HBD: variants seen among roughly 807,000 people sequenced by gnomAD.
HBD encodes hemoglobin subunit delta.
Under a neutral mutation model 9.2 loss-of-function variants are expected in HBD, and 11 were observed. That is an observed-to-expected ratio of 1.20 (90% CI 0.76 to 1.99). HBD has a LOEUF of 1.99. Ranked by LOEUF, HBD falls within the 30% of genes most tolerant of loss-of-function variation. The pLI, the probability that HBD is intolerant of heterozygous loss-of-function variation, is 0.00. For missense variants in HBD, 189 were observed against 174.3 expected (o/e 1.08, Z -0.47); for synonymous variants, 83 against 69.4 (o/e 1.20, Z -0.98).
rs1226621839 is a variant in HBD at position 5,233,016 on chromosome 11, TAGGC to T, written c.388_391del (p.Ala130IlefsTer?). 6.2e-7 allele frequency: 1 copy of T among 1,613,948 alleles called. No homozygotes were observed. The highest frequency in any genetic ancestry group is 8.5e-7 in the Non-Finnish European group (1 of 1,179,972). ...AGCCACACCAGCCACCACCTTCTGA[TAGGC>T]AGCCTGCATTTGTGGGGTGAATTCC... On this transcript the variant is annotated frameshift_variant, in exon 3 of 3. Transcript: ENST00000650601. LOFTEE classifies it high-confidence loss of function.
rs1281419136 is a variant in HBD at position 5,233,095 on chromosome 11, G to A, written c.316-3C>T. ...CACACCAGCACATTGCCCAAGAGCTGCGGAGAAGAGGTAGGCAGATACATG... is the reference window on the plus strand; with the variant it reads ...CACACCAGCACATTGCCCAAGAGCTACGGAGAAGAGGTAGGCAGATACATG... On this transcript the variant is annotated splice_region_variant and splice_polypyrimidine_tract_variant and intron_variant, in intron 2 of 2. Coordinates refer to ENST00000650601, the MANE Select transcript of HBD (RefSeq NM_000519.4). The A allele has an allele frequency of 6.2e-7, 1 of 1,613,802 alleles. No individual in the cohort carries two copies. Among genetic ancestry groups the A allele is most frequent in the African/African-American group, 1.3e-5 (1 of 74,884 alleles).
chr11:5,234,373 C>T lies in HBD; in HGVS notation c.61G>A (p.Val21Met), dbSNP rs369305779. The T allele has an allele frequency of 3.8e-4, 621 of 1,614,076 alleles. 5 individuals are homozygous for T. In the South Asian group the frequency reaches 6.0e-3, roughly 16 times the overall value. Reference protein sequence around the residue: ...AVNALWGKVNVDAVGGEALGR... With the variant: ...AVNALWGKVNMDAVGGEALGR... ...AGGGCCTCACCACCAACTGCATCCA[C>T]GTTCACTTTGCCCCACAGGGCATTG... Residue 21 changes from valine (V) to methionine (M), a missense_variant, in exon 1 of 3, where the codon GTG becomes ATG. By Grantham distance (21) the Val-to-Met change is conservative. Transcript: ENST00000650601.
chr11:5,234,367 C>T lies in HBD; in HGVS notation c.67G>A (p.Ala23Thr). ...NALWGKVNVD[A>T]VGGEALGRLL... ...CTGCCCAGGGCCTCACCACCAACTGCATCCACGTTCACTTTGCCCCACAGG... is the reference window on the plus strand; with the variant it reads ...CTGCCCAGGGCCTCACCACCAACTGTATCCACGTTCACTTTGCCCCACAGG... The change falls in exon 1 of 3, where the codon GCA becomes ACA. Residue 23 changes from alanine to threonine, a missense_variant. Physicochemically the swap from Ala to Thr is moderately conservative, Grantham distance 58 (BLOSUM62 0). Coordinates refer to ENST00000650601, the MANE Select transcript of HBD (RefSeq NM_000519.4). 1 of 1,613,984 alleles carries T rather than the reference C, an allele frequency of 6.2e-7. No homozygotes were observed. Among genetic ancestry groups the T allele is most frequent in the Non-Finnish European group, 8.5e-7 (1 of 1,179,840 alleles).
chr11:5,234,441 G>C lies in HBD; in HGVS notation c.-8C>G, dbSNP rs1339959375. On this transcript the variant is annotated 5_prime_UTR_variant, in exon 1 of 3. Coordinates refer to ENST00000650601, the MANE Select transcript of HBD (RefSeq NM_000519.4). ...AGGAGTCAGATGCACCATGGTGTCT[G>C]TTTGAGGTTGCTAGTGAACACTGTT... 1 of 1,601,334 alleles carries C rather than the reference G, an allele frequency of 6.2e-7. No homozygotes were observed. Among genetic ancestry groups the C allele is most frequent in the African/African-American group, 1.3e-5 (1 of 74,666 alleles).
Position 5,233,089 on chromosome 11 carries a change from A to C in HBD, c.319T>G (p.Leu107Val). 1 of 1,613,986 alleles carries C rather than the reference A, an allele frequency of 6.2e-7. No individual in the cohort carries two copies. The highest frequency in any genetic ancestry group is 8.5e-7 in the Non-Finnish European group (1 of 1,179,926). Residue 107 changes from leucine to valine, a missense_variant, in exon 3 of 3, where the codon TTG (leucine) becomes GTG (valine). By Grantham distance (32) the Leu-to-Val change is conservative (BLOSUM62 1). Coordinates refer to ENST00000650601, the MANE Select transcript of HBD (RefSeq NM_000519.4). ...LHVDPENFRL[L>V]GNVLVCVLAR... is the part of the protein sequence containing the mutation. ...AGCACACACACCAGCACATTGCCCAAGAGCTGCGGAGAAGAGGTAGGCAGA... is the reference window on the plus strand; with the variant it reads ...AGCACACACACCAGCACATTGCCCACGAGCTGCGGAGAAGAGGTAGGCAGA...
At chr11:5,234,264 A>G in intron 1 of HBD, 51 bp from the exon 2 acceptor site, 2 of 1,599,992 alleles carry the variant, frequency 1.3e-6, no homozygotes, top group Non-Finnish European at 1.7e-6. Context: ...CCTATCAGAA[A>G]CCCAAGAGTC....
In HBD at chr11:5,233,992, C is replaced by T. The variant is rs762198004; in HGVS notation, c.314G>A (p.Arg105Lys). The T allele has an allele frequency of 5.6e-6, 9 of 1,613,850 alleles. No individual in the cohort carries two copies. In the East Asian group the frequency reaches 1.8e-4, roughly 32 times the overall value. The change falls in exon 2 of 3, where the codon AGG (arginine) becomes AAG (lysine). Residue 105 changes from arginine to lysine, a missense_variant and splice_region_variant. By Grantham distance (26) the Arg-to-Lys change is conservative. Coordinates refer to ENST00000650601, the MANE Select transcript of HBD (RefSeq NM_000519.4). ...AAGTGAAGCATCTCCTGGACTCACC[C>T]TGAAGTTCTCAGGATCCACGTGCAG... ...DKLHVDPENF[R>K]LLGNVLVCVL... is the part of the protein sequence containing the mutation.
At chr11:5,234,292 C>A (rs749699838) in intron 1 of HBD, 50 bp downstream of exon 1, 1 of 1,596,790 alleles carries the variant, frequency 6.3e-7, no homozygotes, top group Non-Finnish European at 8.6e-7. Context: ...TCTACACATG[C>A]CCAGTTTCCA....
rs1589896791 is a variant in HBD at position 5,232,849 on chromosome 11, A to G, written c.*115T>C. The G allele has an allele frequency of 6.2e-7, 1 of 1,613,650 alleles. No homozygotes were observed. The highest frequency in any genetic ancestry group is 8.5e-7 in the Non-Finnish European group (1 of 1,179,776). ...AATTAATCAGGAAGTTGAGCTGAAC[A>G]TTCTTTATTAGGCAGAAGCCATACC... On this transcript the variant is annotated 3_prime_UTR_variant, in exon 3 of 3. Coordinates refer to ENST00000650601, the MANE Select transcript of HBD (RefSeq NM_000519.4).
At chr11:5,233,136 G>C (rs1847692055) in intron 2 of HBD, 44 bp from the exon 3 acceptor site, 2 of 1,610,910 alleles carry the variant, frequency 1.2e-6, no homozygotes, top group East Asian at 4.5e-5. Context: ...GGTTAACAGA[G>C]AAATAAAGAC....
At chr11:5,233,275 A>G (rs1847693806) in intron 2 of HBD, among the ~76,000 whole-genome samples, 183 bp from the exon 3 acceptor site, 1 of 152,140 alleles carries the variant, frequency 6.6e-6, no homozygotes, top group Non-Finnish European at 1.5e-5. Flanking sequence ...ATATATCTAT[A>G]CACACACATC....
At chr11:5,233,380 AATTTTGTATGTGTATATAGCAT>A (rs1470703769) in intron 2 of HBD, among the ~76,000 whole-genome samples, 5 of 152,194 alleles carry the variant, frequency 3.3e-5, no homozygotes, top group African/African-American at 1.2e-4. Context: ...AATTAGTTTT[AATTTTGTATGTGTATATAGCAT>A]ATACAAATTA....
Position 5,234,401 on chromosome 11 carries a change from A to C in HBD, c.33T>G (p.Ala11=), listed in dbSNP as rs773007023. The change falls in exon 1 of 3, where the codon GCT becomes GCG. Residue 11 remains alanine, a synonymous_variant. Transcript: ENST00000650601. MVHLTPEEKT[A]VNALWGKVNV... ...TCACTTTGCCCCACAGGGCATTGAC[A>C]GCAGTCTTCTCCTCAGGAGTCAGAT... 2.5e-6 allele frequency: 4 copies of C among 1,613,930 alleles called. No individual in the cohort carries two copies. The South Asian group carries it at 4.4e-5, about 18-fold the overall frequency.
chr11:5,234,138 C>T lies in HBD; in HGVS notation c.168G>A (p.Met56Ile). 2 of 1,614,022 alleles carry T rather than the reference C, an allele frequency of 1.2e-6. No homozygotes were observed. The highest frequency in any genetic ancestry group is 1.7e-6 in the Non-Finnish European group (2 of 1,179,984). Residue 56 changes from methionine (M) to isoleucine (I), a missense_variant, in exon 2 of 3, where the codon ATG becomes ATA. Physicochemically the swap from Met to Ile is conservative, Grantham distance 10. Coordinates refer to ENST00000650601, the MANE Select transcript of HBD (RefSeq NM_000519.4). ...CATGAGCCTTCACCTTAGGGTTGCC[C>T]ATAACAGCATCAGGAGAGGACAGAT... Reference protein sequence around the residue: ...FGDLSSPDAVMGNPKVKAHGK... With the variant: ...FGDLSSPDAVIGNPKVKAHGK...
chr11:5,233,344 A>C (rs1246693045), intron 2 of HBD, among the ~76,000 whole-genome samples: 1 of 152,222 alleles, frequency 6.6e-6, no homozygotes, highest in Non-Finnish European at 1.5e-5. Flanking sequence ...TATATGCTGT[A>C]TAATACTATA....
rs1478919208 is a variant in HBD at position 5,232,935 on chromosome 11, T to C, written c.*29A>G. 1.2e-6 allele frequency: 2 copies of C among 1,614,022 alleles called. No individual in the cohort carries two copies. Among genetic ancestry groups the C allele is most frequent in the Non-Finnish European group, 8.5e-7 (1 of 1,179,888 alleles). On this transcript the variant is annotated 3_prime_UTR_variant, in exon 3 of 3. Coordinates refer to ENST00000650601, the MANE Select transcript of HBD (RefSeq NM_000519.4). ...TAGAATCTAGGGAAATAGGGTCTTC[T>C]TATGGTTATCAGGAAACAGTCCAGG...
Position 5,233,048 on chromosome 11 carries a change from G to T in HBD, c.360C>A (p.Gly120=). Residue 120 remains glycine (G), a synonymous_variant, in exon 3 of 3, where the codon GGC becomes GGA. Coordinates refer to ENST00000650601, the MANE Select transcript of HBD (RefSeq NM_000519.4). ...CCTGCATTTGTGGGGTGAATTCCTTGCCAAAGTTGCGGGCCAGCACACACA... is the reference window on the plus strand; with the variant it reads ...CCTGCATTTGTGGGGTGAATTCCTTTCCAAAGTTGCGGGCCAGCACACACA... ...VLVCVLARNF[G]KEFTPQMQAA... is the part of the protein sequence containing the mutation. 6.2e-7 allele frequency: 1 copy of T among 1,614,004 alleles called. No homozygotes were observed. The highest frequency in any genetic ancestry group is 8.5e-7 in the Non-Finnish European group (1 of 1,179,948).
chr11:5,233,764 AG>A (rs1310948629), intron 2 of HBD, among the ~76,000 whole-genome samples: 2 of 152,034 alleles, frequency 1.3e-5, no homozygotes, highest in African/African-American at 4.8e-5. Context: ...AAATGAAGGG[AG>A]GGGGTTGGGA....
Position 5,234,353 on chromosome 11 carries a change from C to T in HBD, c.81G>A (p.Glu27=), listed in dbSNP as rs34289459. ...ACCTTGATACCAACCTGCCCAGGGC[C>T]TCACCACCAACTGCATCCACGTTCA... The part of the protein sequence containing the change: ...GKVNVDAVGG[E]ALGRLLVVYP... Residue 27 remains glutamate, a synonymous_variant, in exon 1 of 3, where the codon GAG becomes GAA. Transcript: ENST00000650601. 6.2e-7 allele frequency: 1 copy of T among 1,613,934 alleles called. No individual in the cohort carries two copies.
Sources: gnomAD v4.1 joint callset for allele counts (sites outside exome capture counted in the v4.1 genomes callset) on GRCh38, gnomAD v4.1.1 for gene constraint, MANE v1.5 for transcripts, NCBI Gene and HGNC (gene_info 2026-07-23, HGNC 2026-07-21) for gene names.